EPB41L5: variants seen among roughly 807,000 people sequenced by gnomAD.
The protein encoded by EPB41L5 is erythrocyte membrane protein band 4.1 like 5, also known as band 4.1-like protein 5.
In EPB41L5, 55 loss-of-function variants were observed where a neutral mutation model predicts 106.6. That is an observed-to-expected ratio of 0.52 (90% CI 0.42 to 0.65). The LOEUF is 0.65. EPB41L5 is among the 30% of genes least tolerant of loss of function. EPB41L5 has a pLI of 0.00. For missense variants in EPB41L5, 871 were observed against 882.1 expected, an observed-to-expected ratio of 0.99 and a Z score of 0.16; for synonymous variants, 297 against 306.7, an observed-to-expected ratio of 0.97 and a Z score of 0.33.
intron 3 of EPB41L5, among the ~76,000 whole-genome samples, chr2:120,064,373 A>G (rs1402017631): frequency 6.6e-6 from 1 of 152,158 alleles, no homozygotes; most frequent in Non-Finnish European, 1.5e-5. Flanking sequence ...TTTCTTTATT[A>G]GAGACATGTA....
intron 3 of EPB41L5, among the ~76,000 whole-genome samples, chr2:120,044,729 A>C (rs759973469): frequency 3.3e-5 from 5 of 150,528 alleles, no homozygotes; most frequent in Admixed American, 6.6e-5. Context: ...TTCTTGTCAT[A>C]ATAATAAATT....
At chr2:120,128,042 A>G (rs951730133) in intron 17 of EPB41L5, 191 bp downstream of exon 17, 2 of 429,732 alleles carry the variant, frequency 4.7e-6, no homozygotes, top group African/African-American at 4.0e-5. Flanking sequence ...AATTGAGGTC[A>G]TTAAACTTGT....
chr2:120,158,141 G>A (rs2105529374), intron 20 of EPB41L5, among the ~76,000 whole-genome samples: 1 of 152,272 alleles, frequency 6.6e-6, no homozygotes, highest in Middle Eastern at 3.4e-3. Context: ...GGATTAGATG[G>A]ATTCACAGTT....
At chr2:120,159,117 C>T (rs1192801060) in intron 20 of EPB41L5, among the ~76,000 whole-genome samples, 1 of 152,074 alleles carries the variant, frequency 6.6e-6, no homozygotes, top group East Asian at 1.9e-4. Flanking sequence ...GAAAAACATT[C>T]CATGCCCATG....
At chr2:120,143,168 A>C in intron 19 of EPB41L5, 37 bp downstream of exon 19, 1 of 1,532,974 alleles carries the variant, frequency 6.5e-7, no homozygotes, top group Admixed American at 2.2e-5. Context: ...GGTGAAGTGA[A>C]ATGAGCATGG....
chr2:120,118,106 A>G (rs551002655), intron 16 of EPB41L5, among the ~76,000 whole-genome samples: 2 of 152,334 alleles, frequency 1.3e-5, no homozygotes, highest in Admixed American at 1.3e-4. Context: ...AGAGGAATTC[A>G]GCTATCCTTG....
intron 22 of EPB41L5, among the ~76,000 whole-genome samples, 199 bp downstream of exon 22, chr2:120,165,109 C>T (rs1687333011): frequency 6.6e-6 from 1 of 152,168 alleles, no homozygotes; most frequent in South Asian, 2.1e-4. Context: ...GTCTACAAAT[C>T]ACATGTCTCT....
At chr2:120,091,722 T>G (rs1683425442) in intron 13 of EPB41L5, 61 bp downstream of exon 13, 2 of 1,341,152 alleles carry the variant, frequency 1.5e-6, no homozygotes, top group Non-Finnish European at 2.1e-6. Context: ...TGTGCTGGTG[T>G]TGTTTCCATA....
intron 16 of EPB41L5, among the ~76,000 whole-genome samples, chr2:120,120,711 G>A (rs1685179348): frequency 6.6e-6 from 1 of 152,166 alleles, no homozygotes; most frequent in Non-Finnish European, 1.5e-5. Context: ...GGTATTGTTT[G>A]TGGTTAAAGA....
At chr2:120,117,737 T>C (rs1685015762) in intron 16 of EPB41L5, among the ~76,000 whole-genome samples, 1 of 152,192 alleles carries the variant, frequency 6.6e-6, no homozygotes. Flanking sequence ...ATAATCAAGA[T>C]TCATGATGAA....
chr2:120,085,589 T>C (rs1459728684), intron 10 of EPB41L5, among the ~76,000 whole-genome samples: 1 of 152,202 alleles, frequency 6.6e-6, no homozygotes, highest in Non-Finnish European at 1.5e-5. Flanking sequence ...CTGTCCGTTC[T>C]CAGATCTCAA....
At chr2:120,040,794 A>C (rs1168271874) in intron 2 of EPB41L5, among the ~76,000 whole-genome samples, 2 of 152,224 alleles carry the variant, frequency 1.3e-5, no homozygotes, top group African/African-American at 4.8e-5. Context: ...ATGAAAGGAA[A>C]TATAGATGAC....
intron 2 of EPB41L5, among the ~76,000 whole-genome samples, chr2:120,035,311 C>A (rs1678977647): frequency 6.6e-6 from 1 of 151,966 alleles, no homozygotes; most frequent in African/African-American, 2.4e-5. Flanking sequence ...TTATCCAGGC[C>A]AGTCTCGGAA....
At chr2:120,104,659 A>G in intron 16 of EPB41L5, 1 of 986,206 alleles carries the variant, frequency 1.0e-6, no homozygotes, top group Non-Finnish European at 1.2e-6. Context: ...TAGGCATAAT[A>G]TATCAGCCTT....
At chr2:120,104,413 A>C in intron 16 of EPB41L5, 1 of 1,384,646 alleles carries the variant, frequency 7.2e-7, no homozygotes, top group Non-Finnish European at 9.3e-7. Context: ...ACAAGGAATC[A>C]AGGAAGCCAT....
intron 13 of EPB41L5, among the ~76,000 whole-genome samples, chr2:120,091,959 A>G (rs142953424): frequency 1.3e-5 from 2 of 152,224 alleles, no homozygotes; most frequent in Admixed American, 6.5e-5. Context: ...TGACTTACAG[A>G]TCTCATTCTA....
chr2:120,122,900 C>T (rs976907977), intron 16 of EPB41L5, among the ~76,000 whole-genome samples: 1 of 151,594 alleles, frequency 6.6e-6, no homozygotes. Context: ...ATGCCTTTAC[C>T]CAGGTATTTT....
chr2:120,084,305 TGTAAGGCATGCCTC>T (rs1203757000), intron 10 of EPB41L5, among the ~76,000 whole-genome samples: 3 of 152,204 alleles, frequency 2.0e-5, no homozygotes, highest in Non-Finnish European at 4.4e-5. Flanking sequence ...CAGGAGCTCT[TGTAAGGCATGCCTC>T]GTGGTGACAA....
At chr2:120,050,490 C>G (rs1574534458) in intron 3 of EPB41L5, among the ~76,000 whole-genome samples, 1 of 152,222 alleles carries the variant, frequency 6.6e-6, no homozygotes, top group Non-Finnish European at 1.5e-5. Flanking sequence ...CATTCTCGTG[C>G]CATGGTTTTC....
Sources: allele counts gnomAD v4.1 joint callset (sites outside exome capture counted in the v4.1 genomes callset), GRCh38; gene constraint gnomAD v4.1.1; transcripts MANE v1.5; gene names NCBI Gene and HGNC (gene_info 2026-07-23, HGNC 2026-07-21).